The following CATSPERE variants were observed in gnomAD, a reference collection of about 807,000 sequenced individuals.
CATSPERE encodes catsper channel auxiliary subunit epsilon.
In CATSPERE, 93 loss-of-function variants were observed where a neutral mutation model predicts 114.1. The ratio of observed to expected loss-of-function variants is 0.81; its 90% CI spans 0.69 to 0.97. CATSPERE has a LOEUF of 0.97. Ranked by LOEUF, CATSPERE falls within the 50% of genes least tolerant of loss-of-function variation. CATSPERE has a pLI of 0.00. For missense variants in CATSPERE, 1,058 were observed against 1,131.6 expected, an observed-to-expected ratio of 0.93 and a Z score of 0.93; for synonymous variants, 341 against 384.1, an observed-to-expected ratio of 0.89 and a Z score of 1.31.
At chr1:244,463,043 G>A (rs1404487423) in intron 1 of CATSPERE, among the ~76,000 whole-genome samples, 1 of 152,094 alleles carries the variant, frequency 6.6e-6, no homozygotes, top group African/African-American at 2.4e-5. Flanking sequence ...TTGAGATGTG[G>A]TGTAAGTGTA....
chr1:244,551,927 G>A (rs546829578), intron 8 of CATSPERE, among the ~76,000 whole-genome samples: 9 of 151,972 alleles, frequency 5.9e-5, no homozygotes, highest in Admixed American at 4.6e-4. Context: ...AGCCAGGCGT[G>A]GTGGTGGGTG....
At chr1:244,499,354 C>T (rs1558379229) in intron 7 of CATSPERE, among the ~76,000 whole-genome samples, 1 of 151,802 alleles carries the variant, frequency 6.6e-6, no homozygotes, top group South Asian at 2.1e-4. Context: ...ACTCTAAGTT[C>T]AGAGATATAT....
intron 9 of CATSPERE, among the ~76,000 whole-genome samples, chr1:244,555,177 G>A (rs560244190): frequency 2.0e-5 from 3 of 152,064 alleles, no homozygotes; most frequent in Non-Finnish European, 4.4e-5. Flanking sequence ...ATGAGGTCAG[G>A]AGTTCGAGAC....
upstream of CATSPERE, among the ~76,000 whole-genome samples, chr1:244,458,644 A>T (rs1197055533): frequency 1.3e-5 from 2 of 152,260 alleles, no homozygotes; most frequent in Non-Finnish European, 2.9e-5. Context: ...GCAGCTTCTA[A>T]CAAGTGAGTA....
At chr1:244,590,951 AC>A (rs1456616450) in intron 14 of CATSPERE, among the ~76,000 whole-genome samples, 1 of 152,182 alleles carries the variant, frequency 6.6e-6, no homozygotes, top group African/African-American at 2.4e-5. Context: ...GTGGGTATCT[AC>A]CTAGGAGTGG....
chr1:244,634,653 G>A (rs566828733), intron 20 of CATSPERE, among the ~76,000 whole-genome samples: 1 of 152,284 alleles, frequency 6.6e-6, no homozygotes, highest in African/African-American at 2.4e-5. Context: ...TGGGCAGCAG[G>A]GTCAGAAAAA....
chr1:244,636,536 G>A (rs1674649047), intron 21 of CATSPERE: 1 of 152,176 alleles, frequency 6.6e-6, no homozygotes, highest in Admixed American at 6.5e-5. Context: ...TGATTTAGGT[G>A]AATATTAAGG....
intron 20 of CATSPERE, among the ~76,000 whole-genome samples, chr1:244,628,015 A>C (rs1673428353): frequency 6.6e-6 from 1 of 152,178 alleles, no homozygotes; most frequent in Admixed American, 6.5e-5. Context: ...TGGCTATCAG[A>C]TCCATTGTAG....
At position 244,599,508 on chromosome 1, in the gene CATSPERE, A is replaced by G. The variant is rs1466592797; in HGVS notation, c.2303+5930A>G. Among the ~76,000 whole-genome samples, 3 of 152,232 alleles carry G rather than the reference A, an allele frequency of 2.0e-5. No individual in the cohort carries two copies. In the East Asian group the frequency reaches 5.8e-4, roughly 29 times the overall value. The stretch of plus-strand genomic sequence containing the variant: ...ATGCCTGCTATTACAGACCCAAGTC[A>G]TCACCACTGACCCGGATTATTACAA... On this transcript the variant is annotated intron_variant, in intron 17 of 21. Coordinates refer to ENST00000366534, the MANE Select transcript of CATSPERE (RefSeq NM_001130957.2).
Position 244,518,642 on chromosome 1 carries a change from C to A in CATSPERE, c.480C>A (p.Val160=). 6.2e-7 allele frequency: 1 copy of A among 1,601,922 alleles called. No individual in the cohort carries two copies. The highest frequency in any genetic ancestry group is 1.1e-5 in the South Asian group (1 of 89,462). Reference sequence around the variant, plus strand: ...TGGCCACATTGGGACAGAAGCCTGTCATACATACAGTTCTGAAGAGAAAAG... The same window carrying A: ...TGGCCACATTGGGACAGAAGCCTGTAATACATACAGTTCTGAAGAGAAAAG... ...TQMATLGQKP[V]IHTVLKRKVY... The change falls in exon 8 of 22, where the codon GTC becomes GTA. Residue 160 remains valine, a synonymous_variant. Transcript: ENST00000366534.
chr1:244,628,081 C>G (rs1023412652), intron 20 of CATSPERE, among the ~76,000 whole-genome samples: 5 of 152,198 alleles, frequency 3.3e-5, no homozygotes, highest in Admixed American at 3.3e-4. Context: ...GTAATGGCCA[C>G]AAAGTGCAAA....
chr1:244,501,922 C>G (rs982638311), intron 7 of CATSPERE, among the ~76,000 whole-genome samples: 13 of 152,200 alleles, frequency 8.5e-5, no homozygotes, highest in African/African-American at 2.9e-4. Context: ...TCTGCTGTCT[C>G]CTCACACACA....
At chr1:244,509,999 C>T (rs1314229860) in intron 7 of CATSPERE, among the ~76,000 whole-genome samples, 2 of 151,880 alleles carry the variant, frequency 1.3e-5, no homozygotes, top group African/African-American at 4.8e-5. Context: ...AGCAGTTTAT[C>T]GATTTTATCT....
At position 244,513,862 on chromosome 1, in the gene CATSPERE, T is replaced by C. The variant is rs1046352914; in HGVS notation, c.430-4730T>C. Among the ~76,000 whole-genome samples the C allele has an allele frequency of 3.3e-5, 5 of 152,212 alleles. No individual in the cohort carries two copies. The East Asian group carries it at 9.6e-4, about 29-fold the overall frequency. On this transcript the variant is annotated intron_variant, in intron 7 of 21. Transcript: ENST00000366534. ...TTGGGTATAACCTCAGGTCCTCCAATGGTGTGTATGGCCACTGGCTGTAGT... is the reference window on the plus strand; with the variant it reads ...TTGGGTATAACCTCAGGTCCTCCAACGGTGTGTATGGCCACTGGCTGTAGT...
At chr1:244,621,282 T>TAAATATATTTATAC (rs1307419278) in intron 20 of CATSPERE, among the ~76,000 whole-genome samples, 6 of 115,856 alleles carry the variant, frequency 5.2e-5, no homozygotes, top group Non-Finnish European at 1.0e-4. Context: ...TATATCTATA[T>TAAATATATTTATAC]AGATATATCT....
At chr1:244,534,570 T>C (rs1680090102) in intron 8 of CATSPERE, among the ~76,000 whole-genome samples, 1 of 152,196 alleles carries the variant, frequency 6.6e-6, no homozygotes, top group Non-Finnish European at 1.5e-5. Flanking sequence ...GATGCATTCT[T>C]CATTATGTCG....
chr1:244,563,859 A>G (rs1338099252), intron 10 of CATSPERE, among the ~76,000 whole-genome samples: 1 of 152,082 alleles, frequency 6.6e-6, no homozygotes, highest in Non-Finnish European at 1.5e-5. Context: ...GGTATTGCCT[A>G]GGTTTTCTTT....
Position 244,477,900 on chromosome 1 carries a change from C to A in CATSPERE, c.189-6C>A, listed in dbSNP as rs202153521. On this transcript the variant is annotated splice_polypyrimidine_tract_variant and splice_region_variant and intron_variant, in intron 3 of 21. Coordinates refer to ENST00000366534, the MANE Select transcript of CATSPERE (RefSeq NM_001130957.2). The stretch of plus-strand genomic sequence containing the variant: ...AATTATTCTTTCTCATCTTTTTAAA[C>A]ACTAGCTCACCCACGACAGAATTGC... The A allele has an allele frequency of 5.6e-5, 89 of 1,597,576 alleles. No homozygotes were observed. Among genetic ancestry groups the A allele is most frequent in the Non-Finnish European group, 7.1e-5 (83 of 1,167,100 alleles).
chr1:244,494,109 C>T (rs373192974), intron 6 of CATSPERE, among the ~76,000 whole-genome samples: 3 of 152,016 alleles, frequency 2.0e-5, no homozygotes, highest in African/African-American at 4.8e-5. Flanking sequence ...TGGGTATATA[C>T]CCAAAGGATT....
Sources: gnomAD v4.1 joint callset for allele counts (sites outside exome capture counted in the v4.1 genomes callset) on GRCh38, gnomAD v4.1.1 for gene constraint, MANE v1.5 for transcripts, NCBI Gene and HGNC (gene_info 2026-07-23, HGNC 2026-07-21) for gene names.